Variants in SHC3 observed in about 807,000 individuals in gnomAD.
The protein encoded by SHC3 is SHC adaptor protein 3.
SHC3 carries 15 observed loss-of-function variants against 60.4 expected under a neutral mutation model. That is an observed-to-expected ratio of 0.25 (90% CI 0.17 to 0.38). SHC3 has a LOEUF of 0.38. Ranked by LOEUF, SHC3 falls within the 10% of genes least tolerant of loss-of-function variation. SHC3 has a pLI of 1.00. For missense variants in SHC3, 677 were observed against 786.1 expected, an observed-to-expected ratio of 0.86 and a Z score of 1.66; for synonymous variants, 294 against 325.9, an observed-to-expected ratio of 0.90 and a Z score of 1.05.
At chr9:89,172,325 T>C (rs1253295729) in intron 1 of SHC3, among the ~76,000 whole-genome samples, 2 of 152,214 alleles carry the variant, frequency 1.3e-5, no homozygotes, top group African/African-American at 4.8e-5. Context: ...TTACTCCCAG[T>C]GGACCCTCAG....
intron 9 of SHC3, among the ~76,000 whole-genome samples, chr9:89,043,688 G>C (rs565106316): frequency 1.3e-5 from 2 of 150,410 alleles, no homozygotes; most frequent in East Asian, 1.9e-4. Context: ...GTCTCATTCT[G>C]TCACCCAGGC....
chr9:89,112,355 A>T (rs1193153978), intron 2 of SHC3, among the ~76,000 whole-genome samples: 2 of 152,208 alleles, frequency 1.3e-5, no homozygotes, highest in African/African-American at 4.8e-5. Context: ...GTGTCCTTCA[A>T]GGTACTTTGG....
Position 89,173,844 on chromosome 9 carries a change from T to C in SHC3, c.474+4143A>G, listed in dbSNP as rs185576901. ...CAGATCAAATTAATAACTTTATATA[T>C]TAATGTCAAAAGAAATTCTTAAACT... is the stretch of plus-strand genomic sequence containing the variant. On this transcript the variant is annotated intron_variant, in intron 1 of 11. Coordinates refer to ENST00000375835, the MANE Select transcript of SHC3 (RefSeq NM_016848.6). Among the ~76,000 whole-genome samples the C allele has an allele frequency of 1.8e-3, 279 of 152,322 alleles. 1 individual carries two copies. The highest frequency in any genetic ancestry group is 1.6e-3 in the Non-Finnish European group (111 of 68,038).
chr9:89,143,534 C>T (rs1299113639), intron 1 of SHC3, among the ~76,000 whole-genome samples: 1 of 152,160 alleles, frequency 6.6e-6, no homozygotes, highest in Non-Finnish European at 1.5e-5. Flanking sequence ...GCCTCTGACA[C>T]TTCCACCCAG....
At chr9:89,109,769 C>A (rs1825919453) in intron 2 of SHC3, 9 of 985,384 alleles carry the variant, frequency 9.1e-6, no homozygotes, top group Non-Finnish European at 1.1e-5. Context: ...CTCACCAGGG[C>A]TTGTTTGCTC....
intron 11 of SHC3, among the ~76,000 whole-genome samples, chr9:89,015,577 A>T (rs1341595907): frequency 6.6e-6 from 1 of 152,240 alleles, no homozygotes. Flanking sequence ...TTTACTGACT[A>T]AGGAAATAGA....
At chr9:89,167,699 G>C (rs1473510411) in intron 1 of SHC3, among the ~76,000 whole-genome samples, 1 of 152,192 alleles carries the variant, frequency 6.6e-6, no homozygotes, top group Non-Finnish European at 1.5e-5. Flanking sequence ...ACATGCACGA[G>C]TATACTTTTT....
chr9:89,019,557 G>T lies in SHC3; in HGVS notation c.1657-5982C>A, dbSNP rs372849483. On this transcript the variant is annotated intron_variant, in intron 11 of 11. Coordinates refer to ENST00000375835, the MANE Select transcript of SHC3 (RefSeq NM_016848.6). ...TTGAACTAATTGTGATTATAGTAAGGTTGCAGGACATAAGGTAAATATACA... is the reference window on the plus strand; with the variant it reads ...TTGAACTAATTGTGATTATAGTAAGTTTGCAGGACATAAGGTAAATATACA... Among the ~76,000 whole-genome samples the T allele has an allele frequency of 2.3e-4, 35 of 152,272 alleles. No individual in the cohort carries two copies. The South Asian group carries it at 6.0e-3, about 26-fold the overall frequency.
chr9:89,027,339 T>TTTTTTTTTTTTTTTTA (rs1564082528), intron 11 of SHC3, among the ~76,000 whole-genome samples: 1 of 151,010 alleles, frequency 6.6e-6, no homozygotes, highest in African/African-American at 2.5e-5. Context: ...TTTTTTTTTT[T>TTTTTTTTTTTTTTTTA]GAGACTGAGT....
chr9:89,120,583 G>A (rs1319012479), intron 1 of SHC3, among the ~76,000 whole-genome samples: 1 of 152,198 alleles, frequency 6.6e-6, no homozygotes, highest in African/African-American at 2.4e-5. Flanking sequence ...TCGAGCAAAT[G>A]TACTTTGATG....
chr9:89,052,005 G>T, intron 7 of SHC3, 32 bp downstream of exon 7: 1 of 1,610,358 alleles, frequency 6.2e-7, no homozygotes, highest in Non-Finnish European at 8.5e-7. Context: ...ACCCACATAG[G>T]CTATTGCAAA....
intron 11 of SHC3, among the ~76,000 whole-genome samples, chr9:89,022,020 A>G (rs1004730128): frequency 1.1e-4 from 16 of 152,054 alleles, no homozygotes; most frequent in African/African-American, 3.6e-4. Flanking sequence ...TAATTTCCAT[A>G]TTTCCTTTGT....
intron 2 of SHC3, chr9:89,110,530 A>G: frequency 1.1e-6 from 1 of 882,092 alleles, no homozygotes; most frequent in Non-Finnish European, 1.4e-6. Context: ...TCTGCAAGAC[A>G]TTGCTGTGTA....
chr9:89,125,246 G>C (rs1219247405), intron 1 of SHC3, among the ~76,000 whole-genome samples: 1 of 152,140 alleles, frequency 6.6e-6, no homozygotes, highest in Non-Finnish European at 1.5e-5. Context: ...TCAAGTGTGA[G>C]ATCTGCCTGT....
chr9:89,092,739 GGTGT>G (rs150979999), intron 2 of SHC3, among the ~76,000 whole-genome samples: 175 of 149,172 alleles, frequency 1.2e-3, no homozygotes, highest in African/African-American at 2.5e-3. Context: ...AAAGAAGGAA[GGTGT>G]GTGTGTGTGT....
intron 6 of SHC3, among the ~76,000 whole-genome samples, chr9:89,065,120 A>G (rs1229219609): frequency 6.6e-6 from 1 of 152,170 alleles, no homozygotes; most frequent in Non-Finnish European, 1.5e-5. Context: ...GCCTGAGCTC[A>G]GACACTAACC....
At chr9:89,092,994 G>A (rs78459375) in intron 2 of SHC3, among the ~76,000 whole-genome samples, 2,033 of 152,252 alleles carry the variant, frequency 0.013, 20 homozygotes, top group South Asian at 0.034. Context: ...GTGTTTATCT[G>A]TTCACTAGTT....
At chr9:89,028,777 TAGATATAGAG>T (rs997128994) in intron 11 of SHC3, among the ~76,000 whole-genome samples, 3 of 146,454 alleles carry the variant, frequency 2.0e-5, no homozygotes, top group African/African-American at 7.4e-5. Context: ...ATTCTCTATA[TAGATATAGAG>T]AGATATAGAG....
intron 11 of SHC3, among the ~76,000 whole-genome samples, chr9:89,031,569 C>T (rs1217094594): frequency 6.6e-6 from 1 of 152,160 alleles, no homozygotes; most frequent in Non-Finnish European, 1.5e-5. Flanking sequence ...TGTGTCAATA[C>T]TTCATTCTTT....
Sources: gnomAD v4.1 joint callset for allele counts (sites outside exome capture counted in the v4.1 genomes callset) on GRCh38, gnomAD v4.1.1 for gene constraint, MANE v1.5 for transcripts, NCBI Gene and HGNC (gene_info 2026-07-23, HGNC 2026-07-21) for gene names.